The following SLC44A5 variants were observed in gnomAD, a reference collection of about 807,000 sequenced individuals.
SLC44A5 encodes solute carrier family 44 member 5.
Under a neutral mutation model 101.8 loss-of-function variants are expected in SLC44A5, and 57 were observed. That is an observed-to-expected ratio of 0.56 (90% CI 0.45 to 0.70). SLC44A5 has a LOEUF of 0.70. Ranked by LOEUF, SLC44A5 falls within the 30% of genes least tolerant of loss-of-function variation. The pLI is 0.00. For synonymous variants in SLC44A5, 281 were observed against 290.9 expected, an observed-to-expected ratio of 0.97 and a Z score of 0.35; for missense variants, 737 against 853.1, an observed-to-expected ratio of 0.86 and a Z score of 1.70.
At chr1:75,612,859 C>T (rs911090867), upstream of SLC44A5, among the ~76,000 whole-genome samples, 6 of 152,178 alleles carry the variant, frequency 3.9e-5, no homozygotes, top group African/African-American at 1.2e-4. Flanking sequence ...ATGTAACCAG[C>T]TTGCATTTAT....
At chr1:75,611,718 T>C (rs575700575), upstream of SLC44A5, among the ~76,000 whole-genome samples, 2 of 152,298 alleles carry the variant, frequency 1.3e-5, no homozygotes, top group South Asian at 2.1e-4. Flanking sequence ...TTAAACTTTT[T>C]CTGTGTTTGA....
intron 3 of SLC44A5, chr1:75,353,999 CA>C: frequency 5.6e-6 from 2 of 359,428 alleles, no homozygotes; most frequent in Admixed American, 3.8e-5. Context: ...TGAAGGCCTG[CA>C]AATTAACACA....
the SLC44A5 span, among the ~76,000 whole-genome samples, chr1:75,708,739 T>A: frequency 6.6e-6 from 1 of 152,106 alleles, no homozygotes; most frequent in Non-Finnish European, 1.5e-5. Context: ...AAACTCAACC[T>A]TTCCTCCAGA....
intron 2 of SLC44A5, among the ~76,000 whole-genome samples, chr1:75,405,517 C>G (rs942233511): frequency 6.6e-6 from 1 of 152,204 alleles, no homozygotes; most frequent in East Asian, 1.9e-4. Flanking sequence ...TCTCAGACCA[C>G]AGTGCAATCA....
intron 3 of SLC44A5, chr1:75,353,926 TG>T: frequency 4.1e-6 from 1 of 242,702 alleles, no homozygotes; most frequent in Non-Finnish European, 8.2e-6. Context: ...AACAGTAATA[TG>T]GGGTAAGGTA....
chr1:75,341,724 G>T (rs1487917190), intron 3 of SLC44A5, among the ~76,000 whole-genome samples: 3 of 152,118 alleles, frequency 2.0e-5, no homozygotes, highest in Non-Finnish European at 4.4e-5. Context: ...TTCTGCTCAT[G>T]CTCTGACCCT....
chr1:75,402,505 A>T, intron 2 of SLC44A5: 1 of 324,434 alleles, frequency 3.1e-6, no homozygotes, highest in Non-Finnish European at 6.5e-6. Flanking sequence ...TCTCATAGGG[A>T]CTGGTTAGAC....
chr1:75,570,569 C>T (rs1483057846), intron 1 of SLC44A5, among the ~76,000 whole-genome samples: 1 of 152,138 alleles, frequency 6.6e-6, no homozygotes, highest in Non-Finnish European at 1.5e-5. Flanking sequence ...TACTATATCC[C>T]AACACCTATT....
chr1:75,404,388 C>A (rs947527469), intron 2 of SLC44A5, among the ~76,000 whole-genome samples: 1 of 152,118 alleles, frequency 6.6e-6, no homozygotes, highest in African/African-American at 2.4e-5. Context: ...CCCAAAGACA[C>A]ATAATCATCA....
chr1:75,271,292 T>A lies in SLC44A5; in HGVS notation c.260+3666A>T, dbSNP rs935559732. ...TTCTTTTCTTATTTACATTTAAAAATTATTTTTAAAAATGTTAATAGTTTT... is the reference window on the plus strand; with the variant it reads ...TTCTTTTCTTATTTACATTTAAAAAATATTTTTAAAAATGTTAATAGTTTT... On this transcript the variant is annotated intron_variant, in intron 6 of 23. Coordinates refer to ENST00000370859, the MANE Select transcript of SLC44A5 (RefSeq NM_001130058.2). Among the ~76,000 whole-genome samples the A allele has an allele frequency of 7.2e-5, 11 of 152,112 alleles. No individual in the cohort carries two copies. The East Asian group carries it at 1.5e-3, about 21-fold the overall frequency.
intron 2 of SLC44A5, chr1:75,398,547 C>G (rs1662274353): frequency 4.4e-6 from 1 of 229,286 alleles, no homozygotes; most frequent in African/African-American, 2.3e-5. Context: ...AATACTGAAA[C>G]TAGGCTGGTG....
At chr1:75,398,426 C>T (rs1452570565) in intron 2 of SLC44A5, 1 of 984,328 alleles carries the variant, frequency 1.0e-6, no homozygotes, top group Admixed American at 6.2e-5. Flanking sequence ...CAGACCCTGC[C>T]AATGAGAGGA....
chr1:75,276,080 A>C (rs1651894457), intron 5 of SLC44A5, among the ~76,000 whole-genome samples: 1 of 152,070 alleles, frequency 6.6e-6, no homozygotes, highest in Non-Finnish European at 1.5e-5. Context: ...TTTTCTCAAT[A>C]TTTTTTCTCA....
At chr1:75,602,127 G>A (rs1426573550) in intron 1 of SLC44A5, among the ~76,000 whole-genome samples, 2 of 152,110 alleles carry the variant, frequency 1.3e-5, no homozygotes, top group Admixed American at 1.3e-4. Context: ...ATTTGAAAAT[G>A]GGTTGTTTTC....
At position 75,213,923 on chromosome 1, in the gene SLC44A5, A is replaced by G. The variant is rs761395861; in HGVS notation, c.1869T>C (p.Ser623=). 2 of 1,587,710 alleles carry G rather than the reference A, an allele frequency of 1.3e-6. No individual in the cohort carries two copies. Among genetic ancestry groups the G allele is most frequent in the Non-Finnish European group, 1.7e-6 (2 of 1,162,760 alleles). The change falls in exon 21 of 24, where the codon AGT becomes AGC. Residue 623 remains serine (S), a synonymous_variant. Coordinates refer to ENST00000370859, the MANE Select transcript of SLC44A5 (RefSeq NM_001130058.2). ...LFLGKLLVAG[S]IGVLAFLFFT... is the part of the protein sequence containing the mutation. Reference sequence around the variant, plus strand: ...ATTTTCATCATGATTACTTACCTATACTTCCAGCAACTAGAAGTTTCCCCA... The same window carrying G: ...ATTTTCATCATGATTACTTACCTATGCTTCCAGCAACTAGAAGTTTCCCCA...
intron 3 of SLC44A5, among the ~76,000 whole-genome samples, chr1:75,389,943 G>A (rs1349471937): frequency 1.3e-5 from 2 of 152,084 alleles, no homozygotes; most frequent in Middle Eastern, 3.4e-3. Flanking sequence ...AAGAAAAAAA[G>A]AGAGACAATT....
In SLC44A5 at chr1:75,380,560, C is replaced by T. The variant is rs567271377; in HGVS notation, c.52+16023G>A. Among the ~76,000 whole-genome samples, 4 of 82,630 alleles carry T rather than the reference C, an allele frequency of 4.8e-5. 2 individuals are homozygous for T. Among genetic ancestry groups the T allele is most frequent in the African/African-American group, 3.1e-4 (4 of 12,710 alleles). The allele number at this position is 82,630 out of a possible 152,430, so 54.2% of individuals were successfully genotyped here. A position where few individuals can be genotyped will look rare whatever the true frequency, so the allele number is the denominator to read the frequency against. On this transcript the variant is annotated intron_variant, in intron 3 of 23. Transcript: ENST00000370859. ...GGCAAGTCAGGTCTCAGAGAACAGA[C>T]CTGTGTGTAAGGCCATTATTCAAGG... is the stretch of plus-strand genomic sequence containing the variant.
the SLC44A5 span, among the ~76,000 whole-genome samples, chr1:75,705,823 G>A: frequency 6.6e-6 from 1 of 152,048 alleles, no homozygotes; most frequent in South Asian, 2.1e-4. Context: ...TTGGATTACA[G>A]GTGCACCACC....
chr1:75,678,422 G>T, the SLC44A5 span, among the ~76,000 whole-genome samples: 133 of 152,240 alleles, frequency 8.7e-4, no homozygotes, highest in African/African-American at 3.1e-3. Context: ...TCTGAGAACG[G>T]GCAGATTGCC....
Sources: gnomAD v4.1 joint callset for allele counts (sites outside exome capture counted in the v4.1 genomes callset) on GRCh38, gnomAD v4.1.1 for gene constraint, MANE v1.5 for transcripts, NCBI Gene and HGNC (gene_info 2026-07-23, HGNC 2026-07-21) for gene names.